The following DNAAF4 variants were observed in gnomAD, a reference collection of about 807,000 sequenced individuals.
DNAAF4 encodes dynein assembly factor 4, axonemal.
In DNAAF4, 43 loss-of-function variants were observed where a neutral mutation model predicts 51.8. That is an observed-to-expected ratio of 0.83 (90% CI 0.65 to 1.07). The LOEUF (loss-of-function observed/expected upper bound fraction) is 1.07. DNAAF4 is among the 50% of genes least tolerant of loss of function. The pLI is 0.00. For synonymous variants in DNAAF4, 194 were observed against 165.6 expected, an observed-to-expected ratio of 1.17 and a Z score of -1.32; for missense variants, 581 against 493.0, an observed-to-expected ratio of 1.18 and a Z score of -1.69.
At chr15:55,431,322 A>G (rs1595888255) in intron 9 of DNAAF4, among the ~76,000 whole-genome samples, 2 of 151,534 alleles carry the variant, frequency 1.3e-5, no homozygotes, top group South Asian at 2.1e-4. Flanking sequence ...TGCATGCACT[A>G]TGGTGGATCA....
chr15:55,478,025 G>C (rs1225143727), intron 4 of DNAAF4, among the ~76,000 whole-genome samples: 2 of 152,212 alleles, frequency 1.3e-5, no homozygotes, highest in Non-Finnish European at 2.9e-5. Context: ...CTCTAGCAGT[G>C]CAAAAGCAGG....
intron 6 of DNAAF4, among the ~76,000 whole-genome samples, chr15:55,449,444 C>T (rs1397049255): frequency 4.0e-5 from 6 of 150,224 alleles, no homozygotes; most frequent in African/African-American, 7.3e-5. Context: ...GGGTGGATCG[C>T]CTGAGGTCAG....
intron 1 of DNAAF4, among the ~76,000 whole-genome samples, chr15:55,504,609 A>G (rs533962604): frequency 6.6e-6 from 1 of 152,330 alleles, no homozygotes; most frequent in Non-Finnish European, 1.5e-5. Flanking sequence ...GGCCTCAGAA[A>G]TAACACTATA....
chr15:55,424,535 C>A (rs1002128005), intron 7 of DNAAF4, among the ~76,000 whole-genome samples: 1 of 152,166 alleles, frequency 6.6e-6, no homozygotes, highest in African/African-American at 2.4e-5. Context: ...CTCTCCTTGA[C>A]CAAACTCTAG....
chr15:55,445,789 G>A (rs1318741730), intron 6 of DNAAF4, among the ~76,000 whole-genome samples: 78 of 138,228 alleles, frequency 5.6e-4, no homozygotes, highest in South Asian at 7.2e-4. Flanking sequence ...GGGCAGAGGC[G>A]CTCCCCGCTT....
At position 55,430,656 on chromosome 15, in the gene DNAAF4, A is replaced by G. The variant is rs1420449690; in HGVS notation, c.*14T>C. 2 of 1,607,464 alleles carry G rather than the reference A, an allele frequency of 1.2e-6. No homozygotes were observed. Among genetic ancestry groups the G allele is most frequent in the African/African-American group, 1.3e-5 (1 of 74,822 alleles). On this transcript the variant is annotated 3_prime_UTR_variant, in exon 10 of 10. Transcript: ENST00000321149. ...AAAAAACTTATAACAATACTTAGTT[A>G]CTTCTAATAGTCATTAAGATTTTAG...
intron 7 of DNAAF4, among the ~76,000 whole-genome samples, chr15:55,423,592 C>G (rs888809782): frequency 6.6e-6 from 1 of 152,132 alleles, no homozygotes; most frequent in Admixed American, 6.6e-5. Context: ...TGCTGACCTA[C>G]AGCAATCAGA....
chr15:55,436,581 C>T (rs971746391), intron 7 of DNAAF4, among the ~76,000 whole-genome samples: 22 of 151,978 alleles, frequency 1.4e-4, no homozygotes, highest in African/African-American at 4.8e-4. Flanking sequence ...GACAGGGTTT[C>T]ACCATGATGG....
intron 5 of DNAAF4, among the ~76,000 whole-genome samples, chr15:55,458,471 A>G (rs1377685302): frequency 6.6e-6 from 1 of 152,108 alleles, no homozygotes; most frequent in Non-Finnish European, 1.5e-5. Flanking sequence ...TTTCAAACGA[A>G]CCCAATCCAA....
downstream of DNAAF4, among the ~76,000 whole-genome samples, chr15:55,429,444 G>A (rs2057464734): frequency 6.6e-6 from 1 of 151,374 alleles, no homozygotes; most frequent in Non-Finnish European, 1.5e-5. Context: ...CTTAAACCTG[G>A]GAGGTGGAGG....
intron 5 of DNAAF4, among the ~76,000 whole-genome samples, chr15:55,461,541 G>C (rs2058094886): frequency 6.6e-6 from 1 of 152,126 alleles, no homozygotes; most frequent in African/African-American, 2.4e-5. Flanking sequence ...AATGATCTTT[G>C]GGTCAACAAT....
intron 7 of DNAAF4, among the ~76,000 whole-genome samples, chr15:55,424,907 GGCT>G (rs1373722342): frequency 4.0e-5 from 6 of 150,182 alleles, no homozygotes; most frequent in Admixed American, 6.7e-5. Flanking sequence ...TTGTTGCCCA[GGCT>G]GCTGGAGTGC....
chr15:55,438,141 T>G (rs1306962136), intron 7 of DNAAF4, among the ~76,000 whole-genome samples: 1 of 151,980 alleles, frequency 6.6e-6, no homozygotes, highest in African/African-American at 2.4e-5. Context: ...GAGGTCAAGG[T>G]GCGCGGATCA....
intron 7 of DNAAF4, among the ~76,000 whole-genome samples, chr15:55,420,476 T>A (rs942117678): frequency 6.6e-6 from 1 of 152,092 alleles, no homozygotes; most frequent in Admixed American, 6.6e-5. Flanking sequence ...TACCATCAAT[T>A]AGAAAGAATA....
chr15:55,457,581 C>T (rs1014428199), intron 5 of DNAAF4, among the ~76,000 whole-genome samples: 1 of 152,268 alleles, frequency 6.6e-6, no homozygotes, highest in East Asian at 1.9e-4. Context: ...GAAAGTGCCA[C>T]CTCCTGGCTG....
At chr15:55,478,909 T>C (rs970926870) in intron 4 of DNAAF4, among the ~76,000 whole-genome samples, 1 of 152,136 alleles carries the variant, frequency 6.6e-6, no homozygotes, top group Admixed American at 6.6e-5. Flanking sequence ...CCTTGAAATA[T>C]CTTCAATGCA....
chr15:55,429,898 C>T (rs1211911161), downstream of DNAAF4, among the ~76,000 whole-genome samples: 1 of 151,936 alleles, frequency 6.6e-6, no homozygotes, highest in Admixed American at 6.6e-5. Context: ...TGCTATTGTG[C>T]TTAACACTTG....
chr15:55,427,733 T>C (rs997543018), downstream of DNAAF4, among the ~76,000 whole-genome samples: 3 of 151,872 alleles, frequency 2.0e-5, no homozygotes, highest in African/African-American at 7.3e-5. Flanking sequence ...CCTCCCGGGT[T>C]CAAGGGATTC....
intron 6 of DNAAF4, among the ~76,000 whole-genome samples, chr15:55,447,893 T>G (rs2057864077): frequency 7.8e-6 from 1 of 128,230 alleles, no homozygotes. Context: ...GGGAGCCCCT[T>G]TATTTCTTTC....
Sources: gnomAD v4.1 joint callset for allele counts (sites outside exome capture counted in the v4.1 genomes callset) on GRCh38, gnomAD v4.1.1 for gene constraint, MANE v1.5 for transcripts, NCBI Gene and HGNC (gene_info 2026-07-23, HGNC 2026-07-21) for gene names.